ZSWIM6: variants seen among roughly 807,000 people sequenced by gnomAD.
ZSWIM6 encodes the protein zinc finger SWIM-type containing 6, also known as zinc finger SWIM domain-containing protein 6.
Under a neutral mutation model 113.2 loss-of-function variants are expected in ZSWIM6, and 9 were observed. That is an observed-to-expected ratio of 0.08 (90% CI 0.05 to 0.14). ZSWIM6 has a LOEUF of 0.14. Ranked by LOEUF, ZSWIM6 falls within the 10% of genes least tolerant of loss-of-function variation. The probability of loss-of-function intolerance (pLI) is 1.00; values close to 1 mark genes in which losing one functional copy is unlikely to be tolerated. For synonymous variants in ZSWIM6, 611 were observed against 606.5 expected (o/e 1.01, Z -0.11); for missense variants, 1,162 against 1,552.2 (o/e 0.75, Z 4.22).
chr5:61,532,534 T>G (rs1749465127), intron 9 of ZSWIM6, among the ~76,000 whole-genome samples: 1 of 152,224 alleles, frequency 6.6e-6, no homozygotes, highest in South Asian at 2.1e-4. Context: ...GTATGTTATA[T>G]TCATCTTATG....
chr5:61,351,549 C>G (rs191586421), intron 1 of ZSWIM6, among the ~76,000 whole-genome samples: 9 of 152,232 alleles, frequency 5.9e-5, no homozygotes, highest in African/African-American at 2.2e-4. Flanking sequence ...ATAAATTATT[C>G]AGAAAAATAA....
chr5:61,464,546 G>A (rs1160556477), intron 1 of ZSWIM6, among the ~76,000 whole-genome samples: 3 of 152,078 alleles, frequency 2.0e-5, no homozygotes, highest in Non-Finnish European at 2.9e-5. Flanking sequence ...TAGAGCCTGG[G>A]CATAGGGCAA....
At position 61,544,487 on chromosome 5, in the gene ZSWIM6, G is replaced by GT. The variant is rs568297198; in HGVS notation, c.*176dup. Reference sequence around the variant, plus strand: ...ATTGTCATGTTGTGAAAGTTTGTGTGTTTTTTATTTTTTCCCTATTTCTTT... The same window carrying GT: ...ATTGTCATGTTGTGAAAGTTTGTGTGTTTTTTTATTTTTTCCCTATTTCTTT... On this transcript the variant is annotated 3_prime_UTR_variant, in exon 14 of 14. Coordinates refer to ENST00000252744, the MANE Select transcript of ZSWIM6 (RefSeq NM_020928.2). 7.0e-3 allele frequency: 2,489 copies of GT among 354,896 alleles called. 7 individuals carry two copies. The highest frequency in any genetic ancestry group is 9.5e-3 in the Non-Finnish European group (1,905 of 200,500). 22.0% of individuals were successfully genotyped at this position (354,896 alleles called of 1,614,324 possible).
rs1024931285 is a variant in ZSWIM6 at position 61,543,169 on chromosome 5, C to G, written c.2786-286C>G. Among the ~76,000 whole-genome samples, 1 of 152,164 alleles carries G rather than the reference C, an allele frequency of 6.6e-6. No individual in the cohort carries two copies. The highest frequency in any genetic ancestry group is 2.4e-5 in the African/African-American group (1 of 41,444). On this transcript the variant is annotated intron_variant, in intron 13 of 13. Coordinates refer to ENST00000252744, the MANE Select transcript of ZSWIM6 (RefSeq NM_020928.2). The surrounding 1 kb of genome is among the most constrained non-coding windows in gnomAD (Gnocchi z 4.3). ...TGAAGTAGAACTCATTAGCAAAAAG[C>G]CATTGTCTGAAATGGCAAGCAGCAC...
chr5:61,472,657 C>T lies in ZSWIM6; in HGVS notation c.677-24C>T. ...CATCTGAATGCAGAAGCTAAACCCTCCCTTTCTTTCTTTCACCCTCAAGGT... is the reference window on the plus strand; with the variant it reads ...CATCTGAATGCAGAAGCTAAACCCTTCCTTTCTTTCTTTCACCCTCAAGGT... On this transcript the variant is annotated intron_variant, in intron 1 of 13. Coordinates refer to ENST00000252744, the MANE Select transcript of ZSWIM6 (RefSeq NM_020928.2). This position sits in a 1 kb window ranked among gnomAD's most constrained non-coding sequence, Gnocchi z 4.1. The T allele has an allele frequency of 6.8e-7, 1 of 1,466,748 alleles. No individual in the cohort carries two copies. The highest frequency in any genetic ancestry group is 9.1e-7 in the Non-Finnish European group (1 of 1,097,346). 90.9% of individuals were successfully genotyped at this position (1,466,748 alleles called of 1,614,324 possible). A position where few individuals can be genotyped will look rare whatever the true frequency, so the allele number is the denominator to read the frequency against.
intron 5 of ZSWIM6, among the ~76,000 whole-genome samples, chr5:61,522,681 T>C (rs1249964370): frequency 6.6e-6 from 1 of 152,232 alleles, no homozygotes; most frequent in Non-Finnish European, 1.5e-5. Flanking sequence ...TGATTGTATT[T>C]AATAACTTCG....
rs554428017 is a variant in ZSWIM6 at position 61,339,490 on chromosome 5, T to G, written c.676+6542T>G. ...TTTTGTGTTAGACTGTAAATTTTCT[T>G]CACTGAGGCAAAATAAATTTGGTAC... On this transcript the variant is annotated intron_variant, in intron 1 of 13. Coordinates refer to ENST00000252744, the MANE Select transcript of ZSWIM6 (RefSeq NM_020928.2). Among the ~76,000 whole-genome samples the G allele has an allele frequency of 6.6e-5, 10 of 152,212 alleles. No individual in the cohort carries two copies. The East Asian group carries it at 1.9e-3, about 29-fold the overall frequency.
At chr5:61,437,717 C>CA (rs1177075747) in intron 1 of ZSWIM6, among the ~76,000 whole-genome samples, 4,450 of 56,204 alleles carry the variant, frequency 0.079, 114 homozygotes, top group South Asian at 0.24. Context: ...ACCCTTTCTC[C>CA]AAAAAAAAAA....
At chr5:61,461,759 G>A (rs975932282) in intron 1 of ZSWIM6, among the ~76,000 whole-genome samples, 4 of 151,998 alleles carry the variant, frequency 2.6e-5, no homozygotes, top group African/African-American at 9.7e-5. Flanking sequence ...TAAGCAGTAT[G>A]TGTTCATTGT....
At chr5:61,442,666 T>A (rs1177828149) in intron 1 of ZSWIM6, among the ~76,000 whole-genome samples, 3 of 152,180 alleles carry the variant, frequency 2.0e-5, no homozygotes, top group Admixed American at 6.5e-5. Context: ...CACAAGGCCA[T>A]TTCAGTCAAA....
intron 5 of ZSWIM6, among the ~76,000 whole-genome samples, chr5:61,524,440 G>C (rs1460392110): frequency 6.6e-6 from 1 of 152,128 alleles, no homozygotes; most frequent in Non-Finnish European, 1.5e-5. Context: ...CCAAACTGAA[G>C]TAATGTCTCT....
At chr5:61,454,858 A>G (rs1747168673) in intron 1 of ZSWIM6, among the ~76,000 whole-genome samples, 1 of 150,454 alleles carries the variant, frequency 6.6e-6, no homozygotes, top group South Asian at 2.1e-4. Flanking sequence ...TGCTGGGATT[A>G]CAGGCGTGAG....
At chr5:61,446,771 T>C (rs1324605127) in intron 1 of ZSWIM6, among the ~76,000 whole-genome samples, 1 of 152,198 alleles carries the variant, frequency 6.6e-6, no homozygotes, top group East Asian at 1.9e-4. Flanking sequence ...CTCTTTTATT[T>C]ATAAGCCAAT....
chr5:61,425,736 A>G (rs1746451567), intron 1 of ZSWIM6, among the ~76,000 whole-genome samples: 1 of 152,200 alleles, frequency 6.6e-6, no homozygotes, highest in South Asian at 2.1e-4. Context: ...GGCCATTGGT[A>G]AAGGACATTT....
At chr5:61,506,169 C>A (rs989103359) in intron 4 of ZSWIM6, among the ~76,000 whole-genome samples, 1 of 152,168 alleles carries the variant, frequency 6.6e-6, no homozygotes, top group Non-Finnish European at 1.5e-5. Context: ...TTGACCGGAG[C>A]AATCTCAAAA....
chr5:61,407,734 C>T (rs1746071738), intron 1 of ZSWIM6, among the ~76,000 whole-genome samples: 1 of 151,936 alleles, frequency 6.6e-6, no homozygotes, highest in African/African-American at 2.4e-5. Flanking sequence ...AAAAAGATGC[C>T]CAACTTCGTT....
At chr5:61,424,468 GA>G (rs1327662679) in intron 1 of ZSWIM6, among the ~76,000 whole-genome samples, 2 of 152,182 alleles carry the variant, frequency 1.3e-5, no homozygotes, top group Non-Finnish European at 2.9e-5. Context: ...CTCGCCTAGG[GA>G]GAGCAGACGC....
intron 1 of ZSWIM6, among the ~76,000 whole-genome samples, chr5:61,344,503 T>C (rs1027054947): frequency 5.3e-5 from 8 of 152,234 alleles, no homozygotes; most frequent in African/African-American, 1.9e-4. Flanking sequence ...TCATTTTCTT[T>C]CTTCTTTTCC....
chr5:61,333,969 G>GGCAGCCCGGC (rs1381295331), intron 1 of ZSWIM6, among the ~76,000 whole-genome samples: 3 of 152,294 alleles, frequency 2.0e-5, no homozygotes, highest in East Asian at 3.9e-4. Flanking sequence ...CCCGCGGCGC[G>GGCAGCCCGGC]GCAGCCCGGC....
Sources: gnomAD v4.1 joint callset for allele counts (sites outside exome capture counted in the v4.1 genomes callset) on GRCh38, gnomAD v4.1.1 for gene constraint, Gnocchi (gnomAD v3.1) non-coding constraint, MANE v1.5 for transcripts, NCBI Gene and HGNC (gene_info 2026-07-23, HGNC 2026-07-21) for gene names.